The following MMP16 variants were observed in gnomAD, a reference collection of about 807,000 sequenced individuals.
MMP16 encodes matrix metallopeptidase 16, also known as matrix metalloproteinase-16.
MMP16 carries 12 observed loss-of-function variants against 67.8 expected under a neutral mutation model. The ratio of observed to expected loss-of-function variants is 0.18; its 90% CI spans 0.11 to 0.29. The LOEUF is 0.29. MMP16 is among the 10% of genes least tolerant of loss of function. The probability of loss-of-function intolerance (pLI) is 1.00; values close to 1 mark genes in which losing one functional copy is unlikely to be tolerated. For synonymous variants in MMP16, 249 were observed against 255.9 expected, an observed-to-expected ratio of 0.97 and a Z score of 0.26; for missense variants, 475 against 765.7, an observed-to-expected ratio of 0.62 and a Z score of 4.48.
chr8:88,072,801 G>C (rs565824737), intron 7 of MMP16, among the ~76,000 whole-genome samples: 1 of 152,210 alleles, frequency 6.6e-6, no homozygotes, highest in South Asian at 2.1e-4. Flanking sequence ...TGAATGCTGT[G>C]GGTAATTTCA....
chr8:88,276,586 A>T (rs1468214289), intron 1 of MMP16, among the ~76,000 whole-genome samples: 1 of 152,106 alleles, frequency 6.6e-6, no homozygotes, highest in Non-Finnish European at 1.5e-5. Flanking sequence ...TATTTTTAAA[A>T]TTTCCTTTAA....
At chr8:88,051,439 G>A (rs1014322045) in intron 8 of MMP16, among the ~76,000 whole-genome samples, 1 of 152,096 alleles carries the variant, frequency 6.6e-6, no homozygotes, top group Non-Finnish European at 1.5e-5. Context: ...GAACCTCATA[G>A]CTCTTTCTTC....
chr8:88,091,581 A>G (rs984180342), intron 6 of MMP16, among the ~76,000 whole-genome samples: 1 of 151,802 alleles, frequency 6.6e-6, no homozygotes, highest in Non-Finnish European at 1.5e-5. Context: ...TCACACACAC[A>G]CAGGTTTAAG....
At chr8:88,107,781 G>T (rs2118401099) in intron 6 of MMP16, among the ~76,000 whole-genome samples, 1 of 151,112 alleles carries the variant, frequency 6.6e-6, no homozygotes, top group Non-Finnish European at 1.5e-5. Context: ...TTAATTAGGA[G>T]AAATTCATCT....
intron 4 of MMP16, among the ~76,000 whole-genome samples, chr8:88,138,875 A>G (rs908477546): frequency 3.3e-5 from 5 of 152,124 alleles, no homozygotes; most frequent in Admixed American, 1.3e-4. Context: ...CTTGATCTCA[A>G]TGGGAATGTT....
chr8:88,273,070 C>T (rs761981568), intron 1 of MMP16, among the ~76,000 whole-genome samples: 31 of 151,376 alleles, frequency 2.0e-4, no homozygotes, highest in Non-Finnish European at 2.8e-4. Context: ...CTTTGAATAG[C>T]TAAATAGAAA....
Position 88,304,430 on chromosome 8 carries a change from T to G in MMP16, c.132+22645A>C, listed in dbSNP as rs186527705. Among the ~76,000 whole-genome samples the G allele has an allele frequency of 2.6e-5, 4 of 152,196 alleles. No individual in the cohort carries two copies. The East Asian group carries it at 7.7e-4, about 29-fold the overall frequency. ...TAGCAAGACAGGCCAACATTCAAATTCAGGAACTGCAGAGAACCCCAGTAA... is the reference window on the plus strand; with the variant it reads ...TAGCAAGACAGGCCAACATTCAAATGCAGGAACTGCAGAGAACCCCAGTAA... On this transcript the variant is annotated intron_variant, in intron 1 of 9. Coordinates refer to ENST00000286614, the MANE Select transcript of MMP16 (RefSeq NM_005941.5).
intron 4 of MMP16, among the ~76,000 whole-genome samples, chr8:88,163,617 T>C (rs1808666822): frequency 6.6e-6 from 1 of 152,090 alleles, no homozygotes; most frequent in African/African-American, 2.4e-5. Context: ...ATTATATTAC[T>C]TCTGTAGATG....
chr8:88,249,708 AG>A (rs1443220689), intron 1 of MMP16, among the ~76,000 whole-genome samples: 1 of 152,044 alleles, frequency 6.6e-6, no homozygotes, highest in Non-Finnish European at 1.5e-5. Flanking sequence ...CAGTGGCTTT[AG>A]GGAGAAGGCA....
In MMP16 at chr8:88,186,464, G is replaced by C. The variant is rs1195984454; in HGVS notation, c.404+12C>G. 1 of 1,612,620 alleles carries C rather than the reference G, an allele frequency of 6.2e-7. No individual in the cohort carries two copies. Among genetic ancestry groups the C allele is most frequent in the African/African-American group, 1.3e-5 (1 of 74,934 alleles). On this transcript the variant is annotated intron_variant, in intron 3 of 9. Coordinates refer to ENST00000286614, the MANE Select transcript of MMP16 (RefSeq NM_005941.5). ...ATGGGGAAAAGGGGAGATTAATCGT[G>C]AGTTCTTATACCTGTAAGTGATGTG...
intron 1 of MMP16, among the ~76,000 whole-genome samples, chr8:88,263,155 C>T (rs1017049678): frequency 6.6e-6 from 1 of 152,092 alleles, no homozygotes; most frequent in Non-Finnish European, 1.5e-5. Flanking sequence ...TGACAATCAA[C>T]ACCCTTTGCT....
intron 1 of MMP16, among the ~76,000 whole-genome samples, chr8:88,251,312 A>G (rs1216148843): frequency 1.3e-5 from 2 of 151,742 alleles, no homozygotes; most frequent in East Asian, 3.9e-4. Flanking sequence ...TCAATGGAAC[A>G]GAACAGAGTC....
At chr8:88,146,694 T>C (rs906452764) in intron 4 of MMP16, among the ~76,000 whole-genome samples, 11 of 152,120 alleles carry the variant, frequency 7.2e-5, no homozygotes, top group African/African-American at 2.4e-4. Context: ...ACTTCTTTTT[T>C]TGGCTATTAA....
At chr8:88,206,472 T>C (rs138495815) in intron 1 of MMP16, among the ~76,000 whole-genome samples, 1 of 152,236 alleles carries the variant, frequency 6.6e-6, no homozygotes, top group East Asian at 1.9e-4. Context: ...GGAAACCGCA[T>C]GTCTAAAGGA....
At chr8:88,284,074 C>G (rs1810785425) in intron 1 of MMP16, among the ~76,000 whole-genome samples, 1 of 152,272 alleles carries the variant, frequency 6.6e-6, no homozygotes, top group South Asian at 2.1e-4. Flanking sequence ...AGTATTTTGT[C>G]ACAAAAATTG....
At chr8:88,136,725 C>G (rs1185438826) in intron 4 of MMP16, among the ~76,000 whole-genome samples, 1 of 151,464 alleles carries the variant, frequency 6.6e-6, no homozygotes, top group African/African-American at 2.4e-5. Flanking sequence ...ATTCATTTAA[C>G]TCATTCCACT....
At chr8:88,176,386 T>C (rs1586190147) in intron 3 of MMP16, among the ~76,000 whole-genome samples, 2 of 152,292 alleles carry the variant, frequency 1.3e-5, no homozygotes, top group East Asian at 1.9e-4. Context: ...TTCCTTTCTT[T>C]CATTTAAAGA....
At chr8:88,179,978 A>T (rs28639477) in intron 3 of MMP16, among the ~76,000 whole-genome samples, 37,170 of 152,216 alleles carry the variant, frequency 0.24, 4,876 homozygotes, top group Middle Eastern at 0.31. Context: ...CTGCATCAAT[A>T]GTCACTTTAA....
At chr8:88,068,424 T>A (rs904611283) in intron 7 of MMP16, among the ~76,000 whole-genome samples, 1 of 152,116 alleles carries the variant, frequency 6.6e-6, no homozygotes, top group Non-Finnish European at 1.5e-5. Context: ...TCAATTTTTC[T>A]TTTATAGATT....
Sources: gnomAD v4.1 joint callset for allele counts (sites outside exome capture counted in the v4.1 genomes callset) on GRCh38, gnomAD v4.1.1 for gene constraint, MANE v1.5 for transcripts, NCBI Gene and HGNC (gene_info 2026-07-23, HGNC 2026-07-21) for gene names.